Variants in PIEZO2 observed in about 807,000 individuals in gnomAD.
PIEZO2 encodes piezo-type mechanosensitive ion channel component 2.
A neutral mutation model predicts 337.3 loss-of-function variants in PIEZO2; 172 were observed. The ratio of observed to expected loss-of-function variants is 0.51; its 90% CI spans 0.45 to 0.58. The LOEUF (loss-of-function observed/expected upper bound fraction) is 0.58. PIEZO2 is among the 20% of genes least tolerant of loss of function. The probability of loss-of-function intolerance (pLI) is 0.00; values close to 1 mark genes in which losing one functional copy is unlikely to be tolerated. For synonymous variants in PIEZO2, 1,251 were observed against 1,228.5 expected (o/e 1.02, Z -0.38); for missense variants, 3,028 against 3,391.3 (o/e 0.89, Z 2.66).
At chr18:11,141,091 A>C (rs2040631120) in intron 1 of PIEZO2, among the ~76,000 whole-genome samples, 1 of 152,216 alleles carries the variant, frequency 6.6e-6, no homozygotes, top group Non-Finnish European at 1.5e-5. Context: ...CTTGACTATC[A>C]GGGGAGACAG....
Position 10,691,367 on chromosome 18 carries a change from G to T in PIEZO2, c.7207C>A (p.Leu2403Met), listed in dbSNP as rs779441390. The change falls in exon 48 of 56, where the codon CTG (leucine) becomes ATG (methionine). Residue 2403 changes from leucine (L) to methionine (M), a missense_variant. Leu to Met is a conservative substitution (Grantham distance 15, BLOSUM62 2). Transcript: ENST00000674853. ...ACAAAGTACCAAAGCTGGGCAACCA[G>T]GTTCTGGCTGAATTTCCTAAAATGT... Reference protein sequence around the residue: ...GVTERKFSQNLVAQLWYFVKC... With the variant: ...GVTERKFSQNMVAQLWYFVKC... The T allele has an allele frequency of 6.2e-7, 1 of 1,611,672 alleles. No individual in the cohort carries two copies. Among genetic ancestry groups the T allele is most frequent in the South Asian group, 1.1e-5 (1 of 90,388 alleles).
chr18:11,119,407 G>T (rs915116976), intron 1 of PIEZO2, among the ~76,000 whole-genome samples: 3 of 152,016 alleles, frequency 2.0e-5, no homozygotes, highest in African/African-American at 7.2e-5. Context: ...CAAAGTGCTG[G>T]GATAATAGGC....
intron 7 of PIEZO2, among the ~76,000 whole-genome samples, chr18:10,825,502 C>T (rs1194509200): frequency 6.9e-6 from 1 of 145,570 alleles, no homozygotes; most frequent in Non-Finnish European, 1.5e-5. Context: ...TGTCAGGTCT[C>T]TCCACAAAGA....
chr18:10,915,437 T>C (rs1340793272), intron 3 of PIEZO2, among the ~76,000 whole-genome samples: 2 of 152,002 alleles, frequency 1.3e-5, no homozygotes, highest in Middle Eastern at 3.4e-3. Context: ...GCACTCAAGA[T>C]AGACAATGAA....
rs781075542 is a variant in PIEZO2 at position 10,698,989 on chromosome 18, C to T, written c.6630G>A (p.Lys2210=). ...FPEQQTAVRR[K]RSGSSSEPSQ... ...ATGGCTCGGAGCTGCTGCCGGAGCG[C>T]TTCCTCCGGACAGCTGTCTGCTGCT... Residue 2210 remains lysine, a synonymous_variant, in exon 44 of 56, where the codon AAG becomes AAA. Coordinates refer to ENST00000674853, the MANE Select transcript of PIEZO2 (RefSeq NM_001378183.1). The T allele has an allele frequency of 2.9e-5, 45 of 1,536,874 alleles. No individual in the cohort carries two copies. In the Middle Eastern group the frequency reaches 6.7e-4, roughly 23 times the overall value.
chr18:11,053,658 T>A (rs1300091517), intron 2 of PIEZO2, among the ~76,000 whole-genome samples: 2 of 152,174 alleles, frequency 1.3e-5, no homozygotes, highest in Non-Finnish European at 2.9e-5. Flanking sequence ...TAAAATACAC[T>A]CTTCTACCAT....
intron 3 of PIEZO2, among the ~76,000 whole-genome samples, chr18:10,971,216 C>T (rs765373174): frequency 1.3e-5 from 2 of 152,182 alleles, no homozygotes; most frequent in Non-Finnish European, 2.9e-5. Context: ...TGAAAGACTG[C>T]TGTGTAGAGA....
Position 10,766,404 on chromosome 18 carries a change from G to C in PIEZO2, c.2947-3306C>G, listed in dbSNP as rs2038360045. 6.6e-6 allele frequency among the ~76,000 whole-genome samples: 1 copy of C among 152,190 alleles called. No individual in the cohort carries two copies. Among genetic ancestry groups the C allele is most frequent in the Non-Finnish European group, 1.5e-5 (1 of 68,026 alleles). On this transcript the variant is annotated intron_variant, in intron 21 of 55. Coordinates refer to ENST00000674853, the MANE Select transcript of PIEZO2 (RefSeq NM_001378183.1). This position sits in a 1 kb window ranked among gnomAD's most constrained non-coding sequence, Gnocchi z 6.1. ...CAACACCTGATGAATTAGAATTTTA[G>C]GGAAATAGATGCTGGTCCACGTACA...
Position 11,148,506 on chromosome 18 carries a change from G to C in PIEZO2, c.64+19C>G, listed in dbSNP as rs113483430. 3.3e-6 allele frequency: 5 copies of C among 1,537,068 alleles called. No homozygotes were observed. Among genetic ancestry groups the C allele is most frequent in the Non-Finnish European group, 4.4e-6 (5 of 1,146,800 alleles). On this transcript the variant is annotated intron_variant, in intron 1 of 55. Coordinates refer to ENST00000674853, the MANE Select transcript of PIEZO2 (RefSeq NM_001378183.1). The surrounding 1 kb of genome is among the most constrained non-coding windows in gnomAD (Gnocchi z 5.2). ...CCCTCGTCCTCCTCAAGTGCCCTCG[G>C]AAAGCGGACCAGACTCACCTACTGC...
chr18:10,837,839 C>T lies in PIEZO2; in HGVS notation c.917+17514G>A, dbSNP rs1322299777. The stretch of plus-strand genomic sequence containing the variant: ...CAATCTCAGCTCACTGCAACCTCCA[C>T]CTCCCAGGTTCAAGTGATTCTCCTG... On this transcript the variant is annotated intron_variant, in intron 7 of 55. Coordinates refer to ENST00000674853, the MANE Select transcript of PIEZO2 (RefSeq NM_001378183.1). The surrounding 1 kb of genome is among the most constrained non-coding windows in gnomAD (Gnocchi z 4.4). Among the ~76,000 whole-genome samples the T allele has an allele frequency of 2.6e-5, 4 of 152,234 alleles. No individual in the cohort carries two copies. The East Asian group carries it at 7.7e-4, about 29-fold the overall frequency.
intron 2 of PIEZO2, among the ~76,000 whole-genome samples, chr18:10,992,883 T>C (rs1019738965): frequency 6.6e-6 from 1 of 152,218 alleles, no homozygotes; most frequent in Non-Finnish European, 1.5e-5. Context: ...TTTCCATTTG[T>C]TTGTGTCCTC....
intron 2 of PIEZO2, among the ~76,000 whole-genome samples, chr18:11,011,800 C>T (rs1309528611): frequency 6.6e-6 from 1 of 152,196 alleles, no homozygotes; most frequent in African/African-American, 2.4e-5. Context: ...TTTTCCATAA[C>T]TCTTGATATA....
Position 10,789,270 on chromosome 18 carries a change from G to C in PIEZO2, c.1978C>G (p.Gln660Glu). 2 of 1,537,248 alleles carry C rather than the reference G, an allele frequency of 1.3e-6. No homozygotes were observed. The highest frequency in any genetic ancestry group is 8.7e-7 in the Non-Finnish European group (1 of 1,146,916). ...TCATCTTCTTCTTCAGCTTCCTCTTGCTCTACCTTCTTTCTCTCTTGCTTC... is the reference window on the plus strand; with the variant it reads ...TCATCTTCTTCTTCAGCTTCCTCTTCCTCTACCTTCTTTCTCTCTTGCTTC... ...EEKQERKKVEQEEAEEEDEQD... is the reference protein window; with the variant it reads ...EEKQERKKVEEEEAEEEDEQD... Residue 660 changes from glutamine (Q) to glutamate (E), a missense_variant, in exon 15 of 56, where the codon CAA becomes GAA. Physicochemically the swap from Gln to Glu is conservative, Grantham distance 29. This residue lies in a region of PIEZO2 where 1,925 missense variants were observed against 2,051.9 expected (regional missense o/e 0.94). Transcript: ENST00000674853.
rs2038018235 is a variant in PIEZO2, at chr18:10,759,229, T to TGTGTGTGTG, written c.3757+252_3757+253insCACACACAC. 1.4e-5 allele frequency among the ~76,000 whole-genome samples: 2 copies of TGTGTGTGTG among 141,576 alleles called. No homozygotes were observed. The highest frequency in any genetic ancestry group is 5.1e-5 in the African/African-American group (2 of 39,242). 92.9% of individuals were successfully genotyped at this position (141,576 alleles called of 152,430 possible). ...TGTGTGTGTGTGTGTGTGTGTGTGT[T>TGTGTGTGTG]TGTGTGTGTGTGTTGGGGGAAGTGA... On this transcript the variant is annotated intron_variant, in intron 26 of 55. Coordinates refer to ENST00000674853, the MANE Select transcript of PIEZO2 (RefSeq NM_001378183.1). This position sits in a 1 kb window ranked among gnomAD's most constrained non-coding sequence, Gnocchi z 5.5.
intron 7 of PIEZO2, among the ~76,000 whole-genome samples, chr18:10,841,186 T>C (rs1201623748): frequency 1.3e-5 from 2 of 152,188 alleles, no homozygotes. Context: ...AGACATTGCA[T>C]ATCAGGCAAT....
At chr18:10,898,428 A>T (rs960366744) in intron 4 of PIEZO2, among the ~76,000 whole-genome samples, 5 of 152,286 alleles carry the variant, frequency 3.3e-5, no homozygotes, top group African/African-American at 1.2e-4. Flanking sequence ...CTCAAAAAAA[A>T]AAAGGAAATA....
At chr18:11,084,176 CA>C (rs1161713844) in intron 1 of PIEZO2, among the ~76,000 whole-genome samples, 4,030 of 64,802 alleles carry the variant, frequency 0.062, 51 homozygotes, top group African/African-American at 0.11. Context: ...AACTCTGTCT[CA>C]AAAAAAAAAA....
chr18:10,809,258 C>CCCTT (rs2040101103), intron 7 of PIEZO2, among the ~76,000 whole-genome samples: 1 of 86,072 alleles, frequency 1.2e-5, no homozygotes, highest in Non-Finnish European at 2.5e-5. Context: ...CTCTCTCTCT[C>CCCTT]TCTTTTTTTT....
At chr18:10,924,888 T>C (rs575727050) in intron 3 of PIEZO2, among the ~76,000 whole-genome samples, 50 of 152,214 alleles carry the variant, frequency 3.3e-4, no homozygotes, top group Non-Finnish European at 5.0e-4. Flanking sequence ...AATAGTAATG[T>C]TCGCTTGTTA....
Sources: allele counts gnomAD v4.1 joint callset (sites outside exome capture counted in the v4.1 genomes callset), GRCh38; gene constraint gnomAD v4.1.1; regional missense constraint gnomAD v4.1.1; non-coding constraint Gnocchi (gnomAD v3.1); transcripts MANE v1.5; gene names NCBI Gene and HGNC (gene_info 2026-07-23, HGNC 2026-07-21).